SLC25A21: variants seen among roughly 807,000 people sequenced by gnomAD.
SLC25A21 encodes solute carrier family 25 member 21.
Under a neutral mutation model 43.8 loss-of-function variants are expected in SLC25A21, and 47 were observed. The ratio of observed to expected loss-of-function variants is 1.07; its 90% CI spans 0.85 to 1.37. SLC25A21 has a LOEUF of 1.37. Ranked by LOEUF, SLC25A21 falls within the 40% of genes most tolerant of loss-of-function variation. SLC25A21 has a pLI of 0.00. For synonymous variants in SLC25A21, 131 were observed against 121.3 expected (o/e 1.08, Z -0.52); for missense variants, 352 against 350.2 (o/e 1.00, Z -0.04).
intron 2 of SLC25A21, among the ~76,000 whole-genome samples, chr14:36,861,187 A>G (rs1334091196): frequency 1.3e-5 from 2 of 152,244 alleles, no homozygotes; most frequent in African/African-American, 4.8e-5. Flanking sequence ...AAGAATGTTA[A>G]ACACTTTTTA....
intron 1 of SLC25A21, among the ~76,000 whole-genome samples, chr14:37,134,489 G>C (rs1963443792): frequency 6.6e-6 from 1 of 151,786 alleles, no homozygotes. Flanking sequence ...CTTGAAAGCT[G>C]ACTGTTTCAG....
At chr14:37,061,501 A>G (rs1461405013) in intron 1 of SLC25A21, among the ~76,000 whole-genome samples, 2 of 136,700 alleles carry the variant, frequency 1.5e-5, no homozygotes, top group African/African-American at 7.4e-5. Context: ...TAGTTAGCCA[A>G]CATGATTTTT....
At position 37,074,594 on chromosome 14, in the gene SLC25A21, G is replaced by A. The variant is rs536047993; in HGVS notation, c.70+97687C>T. ...CACCTGTAATCCCAGGACTTTGGGA[G>A]GCCAAGGTGGATGGATCACCTGAGG... On this transcript the variant is annotated intron_variant, in intron 1 of 9. Coordinates refer to ENST00000331299, the MANE Select transcript of SLC25A21 (RefSeq NM_030631.4). Among the ~76,000 whole-genome samples the A allele has an allele frequency of 2.6e-5, 4 of 152,280 alleles. No homozygotes were observed. In the South Asian group the frequency reaches 8.3e-4, roughly 32 times the overall value.
chr14:36,806,211 T>A (rs534243960), intron 3 of SLC25A21, among the ~76,000 whole-genome samples: 2 of 152,152 alleles, frequency 1.3e-5, no homozygotes, highest in African/African-American at 4.8e-5. Context: ...GAGCTTTTTT[T>A]ATTTATTTTT....
chr14:37,145,476 C>CACACACACACACAGAG (rs780734735), intron 1 of SLC25A21, among the ~76,000 whole-genome samples: 10 of 143,566 alleles, frequency 7.0e-5, no homozygotes, highest in Non-Finnish European at 1.5e-4. Flanking sequence ...CACACACACA[C>CACACACACACACAGAG]AGAGAGATGA....
At chr14:37,127,431 C>T (rs527624770) in intron 1 of SLC25A21, among the ~76,000 whole-genome samples, 1 of 152,236 alleles carries the variant, frequency 6.6e-6, no homozygotes, top group Non-Finnish European at 1.5e-5. Context: ...AACTTTAATG[C>T]TGCACAAAGC....
chr14:36,923,389 G>C (rs952036651), intron 1 of SLC25A21, among the ~76,000 whole-genome samples: 2 of 152,074 alleles, frequency 1.3e-5, no homozygotes, highest in Non-Finnish European at 2.9e-5. Flanking sequence ...CAAAATCTGA[G>C]AGCATTCATT....
At chr14:36,769,987 G>A (rs532065913) in intron 3 of SLC25A21, among the ~76,000 whole-genome samples, 5 of 152,238 alleles carry the variant, frequency 3.3e-5, no homozygotes, top group South Asian at 4.1e-4. Context: ...CTTTGAGAGC[G>A]GCAGCCACAT....
intron 3 of SLC25A21, among the ~76,000 whole-genome samples, chr14:36,742,885 G>A (rs187876793): frequency 0.02 from 2,963 of 149,572 alleles, 45 homozygotes; most frequent in Non-Finnish European, 0.028. Flanking sequence ...TTCATTATAC[G>A]CTGTATGGAG....
chr14:36,752,091 C>T (rs1885731503), intron 3 of SLC25A21, among the ~76,000 whole-genome samples: 2 of 152,164 alleles, frequency 1.3e-5, no homozygotes, highest in Non-Finnish European at 2.9e-5. Flanking sequence ...GCTGGGGAGC[C>T]AGGCGAAGAA....
chr14:37,159,927 T>G (rs1380351487), intron 1 of SLC25A21, among the ~76,000 whole-genome samples: 3 of 152,112 alleles, frequency 2.0e-5, no homozygotes, highest in Admixed American at 2.0e-4. Context: ...GAATAGACAT[T>G]TCTCAAAAGA....
chr14:37,042,710 C>T (rs1476079204), intron 1 of SLC25A21, among the ~76,000 whole-genome samples: 1 of 152,202 alleles, frequency 6.6e-6, no homozygotes, highest in Non-Finnish European at 1.5e-5. Context: ...TTGGTTCACA[C>T]AGTCTTTGGG....
intron 1 of SLC25A21, among the ~76,000 whole-genome samples, chr14:37,047,368 T>C (rs961001914): frequency 6.6e-6 from 1 of 152,096 alleles, no homozygotes; most frequent in African/African-American, 2.4e-5. Flanking sequence ...ATAACAGATA[T>C]GAATCAACTG....
At chr14:37,106,239 C>T (rs1229634715) in intron 1 of SLC25A21, among the ~76,000 whole-genome samples, 1 of 151,840 alleles carries the variant, frequency 6.6e-6, no homozygotes, top group East Asian at 1.9e-4. Flanking sequence ...CCTGTGGGGT[C>T]GGGCAAAAAG....
At chr14:37,081,975 A>G (rs1962397290) in intron 1 of SLC25A21, among the ~76,000 whole-genome samples, 2 of 152,156 alleles carry the variant, frequency 1.3e-5, no homozygotes, top group African/African-American at 2.4e-5. Flanking sequence ...GTGATCACCT[A>G]TAGAAGTACC....
intron 1 of SLC25A21, among the ~76,000 whole-genome samples, chr14:37,054,909 G>C (rs1479705385): frequency 1.3e-5 from 2 of 152,126 alleles, no homozygotes; most frequent in Non-Finnish European, 2.9e-5. Flanking sequence ...GAATGACACA[G>C]AGTGAGAAAA....
chr14:37,082,608 G>C (rs1962410330), intron 1 of SLC25A21, among the ~76,000 whole-genome samples: 1 of 152,154 alleles, frequency 6.6e-6, no homozygotes, highest in Non-Finnish European at 1.5e-5. Context: ...CTAGCGCACA[G>C]TGGAGTGCCT....
intron 7 of SLC25A21, among the ~76,000 whole-genome samples, chr14:36,697,791 T>C (rs946774629): frequency 3.4e-5 from 5 of 147,836 alleles, no homozygotes; most frequent in African/African-American, 1.3e-4. Flanking sequence ...TCCCTTTATT[T>C]TGAGCCTATG....
chr14:37,069,970 TAAC>T (rs1962138944), intron 1 of SLC25A21, among the ~76,000 whole-genome samples: 1 of 152,174 alleles, frequency 6.6e-6, no homozygotes, highest in South Asian at 2.1e-4. Flanking sequence ...ACCCCACTGA[TAAC>T]AAAGATCAGA....
Sources: gnomAD v4.1 joint callset for allele counts (sites outside exome capture counted in the v4.1 genomes callset) on GRCh38, gnomAD v4.1.1 for gene constraint, MANE v1.5 for transcripts, NCBI Gene and HGNC (gene_info 2026-07-23, HGNC 2026-07-21) for gene names.